The following ZNF385D variants were observed in gnomAD, a reference collection of about 807,000 sequenced individuals.
The protein encoded by ZNF385D is zinc finger protein 659.
Under a neutral mutation model 35.8 loss-of-function variants are expected in ZNF385D, and 15 were observed. That is an observed-to-expected ratio of 0.42 (90% confidence interval 0.28 to 0.64). The LOEUF (loss-of-function observed/expected upper bound fraction) is 0.64. Among genes scored for constraint, ZNF385D ranks in the 30% least tolerant of loss-of-function variants. The pLI is 0.23. For synonymous variants in ZNF385D, 212 were observed against 186.8 expected, an observed-to-expected ratio of 1.13 and a Z score of -1.10; for missense variants, 474 against 494.6, an observed-to-expected ratio of 0.96 and a Z score of 0.39.
intron 2 of ZNF385D, among the ~76,000 whole-genome samples, chr3:21,639,424 C>G (rs920810719): frequency 4.0e-5 from 6 of 149,028 alleles, no homozygotes; most frequent in African/African-American, 1.2e-4. Flanking sequence ...ATAAATAAAG[C>G]TAATATAATT....
chr3:21,527,181 C>T (rs1708277530), intron 3 of ZNF385D, among the ~76,000 whole-genome samples: 1 of 152,100 alleles, frequency 6.6e-6, no homozygotes, highest in African/African-American at 2.4e-5. Context: ...AGTAGGTGCT[C>T]AGTATCTATT....
At chr3:22,096,986 C>G (rs565254599) in intron 3 of ZNF385D, among the ~76,000 whole-genome samples, 1 of 152,154 alleles carries the variant, frequency 6.6e-6, no homozygotes, top group African/African-American at 2.4e-5. Context: ...GATATTCACC[C>G]TTGGAACTCA....
chr3:21,994,677 G>C (rs1355170140), intron 3 of ZNF385D, among the ~76,000 whole-genome samples: 1 of 152,116 alleles, frequency 6.6e-6, no homozygotes, highest in Non-Finnish European at 1.5e-5. Context: ...CAATTTTCTG[G>C]ACTGGCTTTT....
intron 3 of ZNF385D, among the ~76,000 whole-genome samples, chr3:21,871,960 G>A (rs1295684698): frequency 6.6e-6 from 1 of 151,778 alleles, no homozygotes; most frequent in East Asian, 1.9e-4. Flanking sequence ...TTGCACCACT[G>A]CACTCCAGCC....
At chr3:21,764,574 G>C (rs963689179) in intron 3 of ZNF385D, among the ~76,000 whole-genome samples, 6 of 152,176 alleles carry the variant, frequency 3.9e-5, no homozygotes, top group Non-Finnish European at 8.8e-5. Context: ...AAGATATTTT[G>C]CATGGCTGGG....
At chr3:21,964,470 A>ATTTTTTTTTT (rs377650103) in intron 3 of ZNF385D, among the ~76,000 whole-genome samples, 6 of 68,146 alleles carry the variant, frequency 8.8e-5, no homozygotes, top group Admixed American at 2.5e-4. Flanking sequence ...AATTTCTCAG[A>ATTTTTTTTTT]TTTTTTTTTT....
In ZNF385D at chr3:21,565,294, C is replaced by CAGAT. The variant is rs1296876153; in HGVS notation, c.166-614_166-611dup. 2.0e-5 allele frequency among the ~76,000 whole-genome samples: 3 copies of CAGAT among 152,094 alleles called. No homozygotes were observed. The East Asian group carries it at 5.8e-4, about 29-fold the overall frequency. On this transcript the variant is annotated intron_variant, in intron 2 of 7. Coordinates refer to ENST00000281523, the MANE Select transcript of ZNF385D (RefSeq NM_024697.3). Reference sequence around the variant, plus strand: ...TGGGGGGTGCCAAGGGATTTGGGGCCAGATACCAGTTATCTCCCTCCATTT... The same window carrying CAGAT: ...TGGGGGGTGCCAAGGGATTTGGGGCCAGATAGATACCAGTTATCTCCCTCCATTT...
chr3:21,792,591 C>T (rs954951360), intron 3 of ZNF385D, among the ~76,000 whole-genome samples: 2 of 152,082 alleles, frequency 1.3e-5, no homozygotes, highest in Admixed American at 6.6e-5. Flanking sequence ...CTTTGAACTG[C>T]TAAAGACTTT....
rs539911960 is a variant in ZNF385D, at chr3:21,762,375, C to T, written c.326-97347G>A. Among the ~76,000 whole-genome samples the T allele has an allele frequency of 6.1e-4, 93 of 152,182 alleles. 1 individual carries two copies. Among genetic ancestry groups the T allele is most frequent in the African/African-American group, 2.2e-3 (93 of 41,526 alleles). ...CATGCTTTCTCTTTACCCGGTAAAG[C>T]TCTTTTCCACTGTCTCAACCGTCTG... On this transcript the variant is annotated intron_variant, in intron 3 of 5. Transcript: ENST00000494108.
At chr3:22,177,471 T>C (rs1694913635) in intron 2 of ZNF385D, among the ~76,000 whole-genome samples, 1 of 152,204 alleles carries the variant, frequency 6.6e-6, no homozygotes, top group Non-Finnish European at 1.5e-5. Context: ...GTACCTGCCA[T>C]GTGCTAGCAC....
At chr3:21,531,231 T>C (rs1243180281) in intron 3 of ZNF385D, among the ~76,000 whole-genome samples, 1 of 152,108 alleles carries the variant, frequency 6.6e-6, no homozygotes, top group Admixed American at 6.6e-5. Flanking sequence ...ATCAGAATGG[T>C]CAAAATTCAG....
At chr3:21,834,573 C>T (rs759539900) in intron 3 of ZNF385D, among the ~76,000 whole-genome samples, 1 of 152,156 alleles carries the variant, frequency 6.6e-6, no homozygotes, top group Non-Finnish European at 1.5e-5. Flanking sequence ...CTGAGCCTTA[C>T]CCTACCTTTG....
intron 3 of ZNF385D, among the ~76,000 whole-genome samples, chr3:22,138,459 C>T (rs1704294669): frequency 6.6e-6 from 1 of 151,990 alleles, no homozygotes; most frequent in Non-Finnish European, 1.5e-5. Flanking sequence ...GTACTGGTAC[C>T]AAAACAGAGA....
At chr3:22,057,647 C>T (rs1003090143) in intron 3 of ZNF385D, among the ~76,000 whole-genome samples, 95 of 151,854 alleles carry the variant, frequency 6.3e-4, no homozygotes, top group Middle Eastern at 3.4e-3. Context: ...GTAGCTGGAA[C>T]GACAGGCAGG....
At chr3:22,310,513 G>A (rs1028167680) in intron 2 of ZNF385D, among the ~76,000 whole-genome samples, 1 of 151,888 alleles carries the variant, frequency 6.6e-6, no homozygotes, top group African/African-American at 2.4e-5. Context: ...AAATATTACT[G>A]CAGTTAATCC....
chr3:22,201,437 T>G (rs993953273), intron 2 of ZNF385D, among the ~76,000 whole-genome samples: 7 of 152,158 alleles, frequency 4.6e-5, no homozygotes, highest in Admixed American at 2.0e-4. Context: ...TACATATACA[T>G]GTAGAAGAAA....
chr3:21,606,675 A>G (rs549789563), intron 2 of ZNF385D, among the ~76,000 whole-genome samples: 1 of 152,270 alleles, frequency 6.6e-6, no homozygotes, highest in African/African-American at 2.4e-5. Flanking sequence ...GAAAAACAAA[A>G]GGTTTGGATT....
At chr3:21,623,335 A>G (rs975174175) in intron 2 of ZNF385D, among the ~76,000 whole-genome samples, 17 of 152,138 alleles carry the variant, frequency 1.1e-4, no homozygotes, top group African/African-American at 4.1e-4. Context: ...AACCGATCTC[A>G]GGGAAAAAAC....
chr3:21,720,835 G>C (rs1455908628), intron 1 of ZNF385D, among the ~76,000 whole-genome samples: 2 of 152,128 alleles, frequency 1.3e-5, no homozygotes, highest in African/African-American at 4.8e-5. Flanking sequence ...GTAGTAGTGG[G>C]GTTTGGGAAG....
Sources: gnomAD v4.1 joint callset for allele counts (sites outside exome capture counted in the v4.1 genomes callset) on GRCh38, gnomAD v4.1.1 for gene constraint, MANE v1.5 for transcripts, NCBI Gene and HGNC (gene_info 2026-07-23, HGNC 2026-07-21) for gene names.